Variants in ATG7 observed in about 807,000 individuals in gnomAD.
ATG7 encodes the protein ubiquitin-like modifier-activating enzyme ATG7.
In ATG7, 70 loss-of-function variants were observed where a neutral mutation model predicts 82.4. The observed-to-expected ratio is 0.85, with a 90% CI of 0.70 to 1.04. The LOEUF is 1.04. ATG7 is among the 50% of genes least tolerant of loss of function. ATG7 has a pLI of 0.00. For synonymous variants in ATG7, 287 were observed against 313.0 expected (o/e 0.92, Z 0.88); for missense variants, 792 against 864.3 (o/e 0.92, Z 1.05).
chr3:11,526,580 G>A (rs1053303382), intron 20 of ATG7, among the ~76,000 whole-genome samples: 4 of 152,142 alleles, frequency 2.6e-5, no homozygotes, highest in Non-Finnish European at 5.9e-5. Flanking sequence ...ATTGATTTTT[G>A]TATGTTGATT....
chr3:11,359,883 A>G (rs138991457), intron 15 of ATG7, among the ~76,000 whole-genome samples: 15 of 147,074 alleles, frequency 1.0e-4, no homozygotes, highest in African/African-American at 3.5e-4. Flanking sequence ...ACATGACAGT[A>G]TAGCATAATG....
chr3:11,360,482 A>G, intron 15 of ATG7, 99 bp from the exon 16 acceptor site: 1 of 1,267,770 alleles, frequency 7.9e-7, no homozygotes, highest in Admixed American at 2.2e-5. Flanking sequence ...ACTTACATGC[A>G]AAAAATAAAT....
At chr3:11,570,852 G>A in the ATG7 span, among the ~76,000 whole-genome samples, 10 of 152,140 alleles carry the variant, frequency 6.6e-5, no homozygotes, top group African/African-American at 2.2e-4. Context: ...CACACACACA[G>A]GAGTGAACTC....
chr3:11,412,976 C>T (rs913311506), intron 19 of ATG7, among the ~76,000 whole-genome samples: 4 of 151,980 alleles, frequency 2.6e-5, no homozygotes, highest in African/African-American at 9.6e-5. Context: ...CTTATAGTTT[C>T]TTTTTTTAGA....
chr3:11,500,313 TATG>T (rs2091229041), intron 20 of ATG7, among the ~76,000 whole-genome samples: 1 of 152,340 alleles, frequency 6.6e-6, no homozygotes, highest in African/African-American at 2.4e-5. Flanking sequence ...GTTTAGTTAA[TATG>T]ATATTAATGT....
chr3:11,307,217 C>A (rs188410784), intron 6 of ATG7, among the ~76,000 whole-genome samples, 157 bp downstream of exon 6: 1 of 152,320 alleles, frequency 6.6e-6, no homozygotes, highest in Admixed American at 6.5e-5. Context: ...AGAGAATACT[C>A]CCAGCTGTCT....
intron 20 of ATG7, among the ~76,000 whole-genome samples, chr3:11,489,029 G>A (rs200294931): frequency 2.0e-5 from 3 of 151,682 alleles, no homozygotes; most frequent in Admixed American, 2.0e-4. Flanking sequence ...AATCCATCTG[G>A]TCCTGGACTC....
intron 3 of ATG7, among the ~76,000 whole-genome samples, chr3:11,295,583 C>T (rs1381990077): frequency 6.6e-6 from 1 of 152,104 alleles, no homozygotes; most frequent in Non-Finnish European, 1.5e-5. Context: ...TTTTAGAAAG[C>T]CACCACCGCA....
At chr3:11,481,363 C>A (rs1243889785) in intron 20 of ATG7, among the ~76,000 whole-genome samples, 1 of 152,204 alleles carries the variant, frequency 6.6e-6, no homozygotes, top group African/African-American at 2.4e-5. Flanking sequence ...AGGGTTCTTA[C>A]ACTTTTTTAA....
intron 20 of ATG7, among the ~76,000 whole-genome samples, chr3:11,481,774 C>T (rs1035003332): frequency 2.6e-5 from 4 of 152,196 alleles, no homozygotes; most frequent in African/African-American, 9.6e-5. Context: ...GGCTCTGGTT[C>T]CTGCCTCTGC....
chr3:11,563,502 T>C, the ATG7 span, among the ~76,000 whole-genome samples: 5 of 152,132 alleles, frequency 3.3e-5, no homozygotes, highest in African/African-American at 1.2e-4. Flanking sequence ...TTTCCCCAAT[T>C]AGACTGGGAG....
At chr3:11,372,076 C>T (rs1209000395) in intron 18 of ATG7, among the ~76,000 whole-genome samples, 1 of 151,398 alleles carries the variant, frequency 6.6e-6, no homozygotes, top group African/African-American at 2.4e-5. Context: ...TGTGTCCTGT[C>T]TCCTAAGGCC....
chr3:11,575,551 G>A, the ATG7 span, among the ~76,000 whole-genome samples: 8 of 152,200 alleles, frequency 5.3e-5, no homozygotes, highest in Admixed American at 3.9e-4. Context: ...TGCAAGGGAC[G>A]GAAGACACTT....
intron 19 of ATG7, among the ~76,000 whole-genome samples, chr3:11,416,880 G>T (rs2081415011): frequency 6.6e-6 from 1 of 152,162 alleles, no homozygotes; most frequent in Non-Finnish European, 1.5e-5. Flanking sequence ...TGCATCTCAT[G>T]AATTTTGATA....
intron 18 of ATG7, among the ~76,000 whole-genome samples, chr3:11,369,981 C>G (rs771218216): frequency 6.6e-6 from 1 of 151,014 alleles, no homozygotes; most frequent in African/African-American, 2.4e-5. Flanking sequence ...GCACTTGTCC[C>G]TGTTTGACCT....
chr3:11,422,011 C>G (rs1412314177), intron 19 of ATG7, among the ~76,000 whole-genome samples: 1 of 152,212 alleles, frequency 6.6e-6, no homozygotes, highest in Non-Finnish European at 1.5e-5. Context: ...GTGCCGTAAA[C>G]AGATGTGCTG....
chr3:11,440,527 T>C (rs1277638742), intron 20 of ATG7, among the ~76,000 whole-genome samples: 3 of 149,900 alleles, frequency 2.0e-5, no homozygotes, highest in Non-Finnish European at 4.4e-5. Flanking sequence ...GGTTTCACCG[T>C]TTTAGCCGGG....
intron 18 of ATG7, among the ~76,000 whole-genome samples, chr3:11,377,768 C>G (rs1451970271): frequency 2.0e-5 from 3 of 152,128 alleles, no homozygotes; most frequent in Non-Finnish European, 4.4e-5. Flanking sequence ...AGAGGAGACT[C>G]ACTGTGAGTA....
chr3:11,291,033 G>A (rs906208026), intron 3 of ATG7, among the ~76,000 whole-genome samples: 1 of 152,172 alleles, frequency 6.6e-6, no homozygotes, highest in African/African-American at 2.4e-5. Context: ...CCCAGCTACC[G>A]AAGTGCTGTA....
Sources: gnomAD v4.1 joint callset for allele counts (sites outside exome capture counted in the v4.1 genomes callset) on GRCh38, gnomAD v4.1.1 for gene constraint, MANE v1.5 for transcripts, NCBI Gene and HGNC (gene_info 2026-07-23, HGNC 2026-07-21) for gene names.